Variants in INPP4B observed in about 807,000 individuals in gnomAD.
INPP4B encodes the protein inositol polyphosphate 4-phosphatase type II.
INPP4B carries 55 observed loss-of-function variants against 122.5 expected under a neutral mutation model. That is an observed-to-expected ratio of 0.45 (90% confidence interval 0.36 to 0.56). The LOEUF is 0.56. INPP4B is among the 20% of genes least tolerant of loss of function. The pLI is 0.00. For synonymous variants in INPP4B, 403 were observed against 388.7 expected (o/e 1.04, Z -0.43); for missense variants, 1,000 against 1,097.7 (o/e 0.91, Z 1.26).
chr4:142,657,535 C>T (rs1230262188), intron 2 of INPP4B, among the ~76,000 whole-genome samples: 1 of 152,068 alleles, frequency 6.6e-6, no homozygotes, highest in Non-Finnish European at 1.5e-5. Context: ...GATTTACATG[C>T]AGGGTGTGTA....
At chr4:142,497,831 C>T (rs1205504241) in intron 2 of INPP4B, among the ~76,000 whole-genome samples, 2 of 152,032 alleles carry the variant, frequency 1.3e-5, no homozygotes, top group Non-Finnish European at 2.9e-5. Context: ...ATGGCTTAAC[C>T]TCCATTAAGG....
Position 142,434,643 on chromosome 4 carries a change from G to A in INPP4B, c.-126-3258C>T, listed in dbSNP as rs567936534. Among the ~76,000 whole-genome samples the A allele has an allele frequency of 1.4e-4, 22 of 152,230 alleles. No individual in the cohort carries two copies. The South Asian group carries it at 1.5e-3, about 10-fold the overall frequency. ...CACATGTCTCTGATAAAAGGGATACGGTGACCCTGCAGCAGAGGTTATAGT... is the reference window on the plus strand; with the variant it reads ...CACATGTCTCTGATAAAAGGGATACAGTGACCCTGCAGCAGAGGTTATAGT... On this transcript the variant is annotated intron_variant, in intron 3 of 25. Transcript: ENST00000262992.
chr4:142,253,531 G>T (rs887634572), intron 11 of INPP4B, among the ~76,000 whole-genome samples: 1 of 152,208 alleles, frequency 6.6e-6, no homozygotes, highest in Non-Finnish European at 1.5e-5. Flanking sequence ...GCGAGGCATT[G>T]CCTCACTCGG....
At chr4:142,336,033 T>A (rs1472220965) in intron 7 of INPP4B, among the ~76,000 whole-genome samples, 1 of 152,194 alleles carries the variant, frequency 6.6e-6, no homozygotes, top group Non-Finnish European at 1.5e-5. Flanking sequence ...CATGCATTCC[T>A]CCATTCTGAT....
chr4:142,465,950 A>ATGTAT (rs1817677138), intron 2 of INPP4B, among the ~76,000 whole-genome samples: 1 of 152,150 alleles, frequency 6.6e-6, no homozygotes, highest in Non-Finnish European at 1.5e-5. Context: ...CTGTCACCAT[A>ATGTAT]CTTCCTATGG....
At chr4:142,801,607 A>T (rs1778016114) in intron 1 of INPP4B, among the ~76,000 whole-genome samples, 1 of 152,172 alleles carries the variant, frequency 6.6e-6, no homozygotes, top group Non-Finnish European at 1.5e-5. Context: ...AAGCCACACA[A>T]TCTGTGGTAT....
intron 3 of INPP4B, among the ~76,000 whole-genome samples, chr4:142,435,906 G>A (rs554302384): frequency 2.0e-5 from 3 of 152,120 alleles, no homozygotes; most frequent in Non-Finnish European, 2.9e-5. Context: ...GGGGAGGGGC[G>A]GCATCACCAC....
At chr4:142,332,552 G>C (rs911705452) in intron 7 of INPP4B, among the ~76,000 whole-genome samples, 1 of 151,974 alleles carries the variant, frequency 6.6e-6, no homozygotes, top group African/African-American at 2.4e-5. Context: ...AAAGGAAAAG[G>C]GGTGTTTGAG....
intron 25 of INPP4B, among the ~76,000 whole-genome samples, chr4:142,044,119 G>GAAA (rs914393015): frequency 6.6e-6 from 1 of 152,058 alleles, no homozygotes; most frequent in Non-Finnish European, 1.5e-5. Context: ...TCAGGTTTTA[G>GAAA]AAAAAATACA....
intron 14 of INPP4B, among the ~76,000 whole-genome samples, chr4:142,204,216 T>C (rs1841800296): frequency 6.6e-6 from 1 of 152,116 alleles, no homozygotes; most frequent in Non-Finnish European, 1.5e-5. Context: ...TAACAGCTAC[T>C]TAATCTGAAC....
chr4:142,409,031 A>C (rs1232753432), intron 5 of INPP4B, among the ~76,000 whole-genome samples: 1 of 152,126 alleles, frequency 6.6e-6, no homozygotes, highest in Non-Finnish European at 1.5e-5. Flanking sequence ...GTGACTTTTT[A>C]TTTCCTGATT....
At chr4:142,466,104 T>C (rs539854335) in intron 2 of INPP4B, among the ~76,000 whole-genome samples, 6 of 151,820 alleles carry the variant, frequency 4.0e-5, no homozygotes, top group East Asian at 1.9e-4. Context: ...TTCCAGAAAA[T>C]ATGGAAGCAG....
chr4:142,104,162 G>T (rs1186359985), intron 23 of INPP4B, among the ~76,000 whole-genome samples: 1 of 152,042 alleles, frequency 6.6e-6, no homozygotes, highest in Non-Finnish European at 1.5e-5. Flanking sequence ...AGATAATTTA[G>T]CTGTAATACT....
chr4:142,325,429 T>C (rs1771952363), intron 7 of INPP4B, among the ~76,000 whole-genome samples: 1 of 152,222 alleles, frequency 6.6e-6, no homozygotes, highest in Admixed American at 6.5e-5. Flanking sequence ...GAGCTTACTC[T>C]GCAGCCTAAA....
chr4:142,727,386 C>T (rs1168195460), intron 1 of INPP4B, among the ~76,000 whole-genome samples: 5 of 152,134 alleles, frequency 3.3e-5, no homozygotes, highest in African/African-American at 7.2e-5. Flanking sequence ...TGCAAGCCAA[C>T]GTCTGTGGCA....
At chr4:142,560,683 G>C (rs1268418020) in intron 2 of INPP4B, 1 of 152,218 alleles carries the variant, frequency 6.6e-6, no homozygotes, top group African/African-American at 2.4e-5. Flanking sequence ...ACAGGAGAAA[G>C]ATGAAGCTCA....
chr4:142,733,895 G>T (rs1410544505), intron 1 of INPP4B, among the ~76,000 whole-genome samples: 1 of 152,124 alleles, frequency 6.6e-6, no homozygotes, highest in East Asian at 1.9e-4. Flanking sequence ...TTCATACAAT[G>T]AAATGCTATG....
intron 2 of INPP4B, among the ~76,000 whole-genome samples, chr4:142,600,123 C>G (rs1739590651): frequency 6.6e-6 from 1 of 152,104 alleles, no homozygotes; most frequent in Non-Finnish European, 1.5e-5. Flanking sequence ...GATAATTTCT[C>G]AAATCTAGGA....
chr4:142,152,066 C>CTTTTTTTTTTTTTTTTTTTTTTTTT lies in INPP4B; in HGVS notation c.1564-6095_1564-6071dup, dbSNP rs572092121. Among the ~76,000 whole-genome samples, 9 of 69,954 alleles carry CTTTTTTTTTTTTTTTTTTTTTTTTT rather than the reference C, an allele frequency of 1.3e-4. 2 individuals are homozygous for CTTTTTTTTTTTTTTTTTTTTTTTTT. The highest frequency in any genetic ancestry group is 5.0e-4 in the African/African-American group (9 of 18,004). The allele number at this position is 69,954 out of a possible 152,430, so 45.9% of individuals were successfully genotyped here. A position where few individuals can be genotyped will look rare whatever the true frequency, so the allele number is the denominator to read the frequency against. ...TGCCTAACATGCTTTTTTGTCTTTTCTTTTTTTTTTTTTTTTTTTTTTTTT... is the reference window on the plus strand; with the variant it reads ...TGCCTAACATGCTTTTTTGTCTTTTCTTTTTTTTTTTTTTTTTTTTTTTTTTTTTTTTTTTTTTTTTTTTTTTTTT... On this transcript the variant is annotated intron_variant, in intron 17 of 25. Transcript: ENST00000262992.
Sources: allele counts gnomAD v4.1 joint callset (sites outside exome capture counted in the v4.1 genomes callset), GRCh38; gene constraint gnomAD v4.1.1; transcripts MANE v1.5; gene names NCBI Gene and HGNC (gene_info 2026-07-23, HGNC 2026-07-21).